Variants in CAMTA2 observed in about 807,000 individuals in gnomAD.
CAMTA2 encodes the protein calmodulin binding transcription activator 2, also known as calmodulin-binding transcription activator 2.
A neutral mutation model predicts 135.7 loss-of-function variants in CAMTA2; 56 were observed. The ratio of observed to expected loss-of-function variants is 0.41; its 90% CI spans 0.33 to 0.52. The LOEUF (loss-of-function observed/expected upper bound fraction) is 0.52. Among genes scored for constraint, CAMTA2 ranks in the 20% least tolerant of loss-of-function variants. The pLI is 0.16. For synonymous variants in CAMTA2, 591 were observed against 604.6 expected (o/e 0.98, Z 0.33); for missense variants, 1,358 against 1,553.4 (o/e 0.87, Z 2.11).
chr17:4,982,844 A>G lies in CAMTA2; in HGVS notation c.252T>C (p.Tyr84=). The G allele has an allele frequency of 1.2e-6, 2 of 1,613,976 alleles. No individual in the cohort carries two copies. The highest frequency in any genetic ancestry group is 3.3e-5 in the Admixed American group (2 of 60,018). Residue 84 remains tyrosine, a synonymous_variant, in exon 5 of 23, where the codon TAT becomes TAC. Coordinates refer to ENST00000348066, the MANE Select transcript of CAMTA2 (RefSeq NM_015099.4). ...TCTTCCAGAGGTAACCATCCTTCCG[A>G]TATTTCACCTTCTTGCGATTGTAGA... is the stretch of plus-strand genomic sequence containing the variant. The part of the protein sequence containing the change: ...IILYNRKKVK[Y]RKDGYLWKKR...
intron 10 of CAMTA2, among the ~76,000 whole-genome samples, chr17:4,977,682 C>T (rs140597896): frequency 6.6e-6 from 1 of 152,346 alleles, no homozygotes; most frequent in East Asian, 1.9e-4. Flanking sequence ...GGTCTCATCC[C>T]CTTTCCTTAC....
At position 4,970,485 on chromosome 17, in the gene CAMTA2, T is replaced by C. The variant is rs1408451434; in HGVS notation, c.2860A>G (p.Ile954Val). 2.5e-6 allele frequency: 4 copies of C among 1,613,872 alleles called. No homozygotes were observed. The Admixed American group carries it at 5.0e-5, about 20-fold the overall frequency. The change falls in exon 17 of 23, where the codon ATT (isoleucine) becomes GTT (valine). Residue 954 changes from isoleucine (I) to valine (V), a missense_variant. By Grantham distance (29) the Ile-to-Val change is conservative (BLOSUM62 3). This residue lies in a region of CAMTA2 where 1,077 missense variants were observed against 1,127.5 expected (regional missense o/e 0.96). Transcript: ENST00000348066. ...AGCCCCACGAAGTCCTCTCGTTTAA[T>C]CCGCTCCGGTGTGGCTTCGATGATC... ...KQIIEATPER[I>V]KREDFVGLPE...
intron 11 of CAMTA2, among the ~76,000 whole-genome samples, chr17:4,976,069 A>G (rs1238962659): frequency 6.6e-6 from 1 of 152,106 alleles, no homozygotes; most frequent in African/African-American, 2.4e-5. Context: ...GCAGTGGCAC[A>G]ATCTTGGCTC....
At chr17:4,985,480 G>A (rs868105045) in intron 3 of CAMTA2, among the ~76,000 whole-genome samples, 9 of 152,156 alleles carry the variant, frequency 5.9e-5, no homozygotes, top group African/African-American at 2.2e-4. Flanking sequence ...CTGGAGTGCA[G>A]TGGCGTGATC....
chr17:4,974,970 C>T (rs989085982), intron 11 of CAMTA2, among the ~76,000 whole-genome samples: 3 of 152,158 alleles, frequency 2.0e-5, no homozygotes, highest in African/African-American at 4.8e-5. Context: ...TTGAAAAGTA[C>T]CTCCCCTTCC....
Position 4,977,038 on chromosome 17 carries a change from T to A in CAMTA2, c.1900+20A>T, listed in dbSNP as rs191943144. On this transcript the variant is annotated intron_variant, in intron 11 of 22. Coordinates refer to ENST00000348066, the MANE Select transcript of CAMTA2 (RefSeq NM_015099.4). ...AAGGCTGTGGGCTGGATACTTGGGT[T>A]CAGAGGGCTGGGTACTCACCGTCCA... The A allele has an allele frequency of 6.2e-7, 1 of 1,613,830 alleles. No homozygotes were observed. The highest frequency in any genetic ancestry group is 2.2e-5 in the East Asian group (1 of 44,862).
At position 4,982,686 on chromosome 17, in the gene CAMTA2, C is replaced by T. The variant is rs1278565860; in HGVS notation, c.339+71G>A. The T allele has an allele frequency of 1.0e-5, 16 of 1,549,304 alleles. No homozygotes were observed. In the East Asian group the frequency reaches 2.0e-4, roughly 20 times the overall value. ...GTGGACAATGCCACCAAGCCCAGGT[C>T]GGGCTAGAGCCCAGCTAAGGGTGGA... On this transcript the variant is annotated intron_variant, in intron 5 of 22. Transcript: ENST00000348066.
rs1302577975 is a variant in CAMTA2 at position 4,969,490 on chromosome 17, T to C, written c.3282+10A>G. 6.8e-6 allele frequency: 11 copies of C among 1,613,952 alleles called. No homozygotes were observed. Among genetic ancestry groups the C allele is most frequent in the Non-Finnish European group, 4.2e-6 (5 of 1,179,920 alleles). On this transcript the variant is annotated intron_variant, in intron 20 of 22. Coordinates refer to ENST00000348066, the MANE Select transcript of CAMTA2 (RefSeq NM_015099.4). The surrounding 1 kb of genome is among the most constrained non-coding windows in gnomAD (Gnocchi z 5.6). ...TCACAGACCTCACACTCAGAGCTCA[T>C]GCCTAATACCTTAAGTGCAATCCAG...
chr17:4,983,533 C>T (rs12397565), intron 3 of CAMTA2, among the ~76,000 whole-genome samples: 13,588 of 152,036 alleles, frequency 0.089, 784 homozygotes, highest in Non-Finnish European at 0.12. Flanking sequence ...GATCCACCCG[C>T]CTTGGCCTCC....
At chr17:4,981,624 G>A in intron 7 of CAMTA2, 54 bp downstream of exon 7, 1 of 1,526,746 alleles carries the variant, frequency 6.5e-7, no homozygotes, top group South Asian at 1.2e-5. Flanking sequence ...GGCCCCTCTG[G>A]GAGCCCTGTT....
chr17:4,970,226 T>C, intron 17 of CAMTA2, 114 bp downstream of exon 17: 1 of 1,421,036 alleles, frequency 7.0e-7, no homozygotes, highest in Non-Finnish European at 9.8e-7. Flanking sequence ...AGTTCGCTTC[T>C]CCAAGGCCCT....
chr17:4,981,366 A>T lies in CAMTA2; in HGVS notation c.566-7T>A. ...CTCCACTTGATGCCATGAACTAGAG[A>T]AGTTAGGGGGAAGTGCTGTGGGATC... is the stretch of plus-strand genomic sequence containing the variant. On this transcript the variant is annotated splice_polypyrimidine_tract_variant and splice_region_variant and intron_variant, in intron 7 of 22. Coordinates refer to ENST00000348066, the MANE Select transcript of CAMTA2 (RefSeq NM_015099.4). 6.2e-7 allele frequency: 1 copy of T among 1,613,614 alleles called. No individual in the cohort carries two copies. Among genetic ancestry groups the T allele is most frequent in the Non-Finnish European group, 8.5e-7 (1 of 1,179,642 alleles).
chr17:4,987,498 G>T (rs1461541791), intron 1 of CAMTA2, 95 bp downstream of exon 1: 13 of 1,414,966 alleles, frequency 9.2e-6, no homozygotes, highest in Non-Finnish European at 1.1e-5. Context: ...GAAGAGGGAC[G>T]GTGGTCCCTG....
chr17:4,981,648 T>C, intron 7 of CAMTA2, 30 bp downstream of exon 7: 1 of 1,561,536 alleles, frequency 6.4e-7, no homozygotes. Context: ...ACTCTCCCCT[T>C]GGAGCTCTAT....
chr17:4,984,323 T>A (rs1470809299), intron 3 of CAMTA2, among the ~76,000 whole-genome samples: 1 of 152,200 alleles, frequency 6.6e-6, no homozygotes, highest in Non-Finnish European at 1.5e-5. Flanking sequence ...TTCCCACTAT[T>A]TACCCATATT....
chr17:4,982,393 A>G (rs1481097866), intron 5 of CAMTA2, among the ~76,000 whole-genome samples: 1 of 152,102 alleles, frequency 6.6e-6, no homozygotes, highest in African/African-American at 2.4e-5. Flanking sequence ...GGGACTATCT[A>G]GAAACCAGAG....
rs1039054978 is a variant in CAMTA2 at position 4,968,651 on chromosome 17, T to TGA, written c.*103_*104dup. 7.5e-7 allele frequency: 1 copy of TGA among 1,330,270 alleles called. No individual in the cohort carries two copies. The highest frequency in any genetic ancestry group is 1.4e-5 in the African/African-American group (1 of 69,098). 82.4% of individuals were successfully genotyped at this position (1,330,270 alleles called of 1,614,324 possible). On this transcript the variant is annotated 3_prime_UTR_variant, in exon 23 of 23. Coordinates refer to ENST00000348066, the MANE Select transcript of CAMTA2 (RefSeq NM_015099.4). The stretch of plus-strand genomic sequence containing the variant: ...GGCCTACAGAGGGCTCCAACAAAGG[T>TGA]GAACAGGAAAGCTGCCGACAGGGGC...
chr17:4,979,854 C>G lies in CAMTA2; in HGVS notation c.1468G>C (p.Gly490Arg). 1 of 1,599,130 alleles carries G rather than the reference C, an allele frequency of 6.3e-7. No homozygotes were observed. The highest frequency in any genetic ancestry group is 1.1e-5 in the South Asian group (1 of 90,756). ...SRVGRGEALF[G>R]GPVGASELEP... ...AGTTCACTGGCCCCAACAGGTCCTC[C>G]AAACAAGGCCTCTCCTCTTCCTACC... Residue 490 changes from glycine (G) to arginine (R), a missense_variant, in exon 9 of 23, where the codon GGA becomes CGA. Gly to Arg is a moderately radical substitution (Grantham distance 125). Transcript: ENST00000348066.
At chr17:4,970,215 C>T (rs1039341570) in intron 17 of CAMTA2, 125 bp downstream of exon 17, 4 of 1,392,244 alleles carry the variant, frequency 2.9e-6, no homozygotes, top group African/African-American at 2.8e-5. Context: ...TCAGCCAGTT[C>T]AGTTCGCTTC....
Sources: allele counts gnomAD v4.1 joint callset (sites outside exome capture counted in the v4.1 genomes callset), GRCh38; gene constraint gnomAD v4.1.1; regional missense constraint gnomAD v4.1.1; non-coding constraint Gnocchi (gnomAD v3.1); transcripts MANE v1.5; gene names NCBI Gene and HGNC (gene_info 2026-07-23, HGNC 2026-07-21).